The following DYRK1A variants were observed in gnomAD, a reference collection of about 807,000 sequenced individuals.
The protein encoded by DYRK1A is dual specificity tyrosine phosphorylation regulated kinase 1A.
In DYRK1A, 9 loss-of-function variants were observed where a neutral mutation model predicts 79.7. That is an observed-to-expected ratio of 0.11 (90% CI 0.07 to 0.20). The LOEUF is 0.20. Among genes scored for constraint, DYRK1A ranks in the 10% least tolerant of loss-of-function variants. DYRK1A has a pLI of 1.00. For synonymous variants in DYRK1A, 349 were observed against 329.7 expected, an observed-to-expected ratio of 1.06 and a Z score of -0.63; for missense variants, 622 against 956.0, an observed-to-expected ratio of 0.65 and a Z score of 4.61.
intron 1 of DYRK1A, among the ~76,000 whole-genome samples, chr21:37,386,646 A>G (rs1348614234): frequency 6.6e-6 from 1 of 152,006 alleles, no homozygotes; most frequent in Admixed American, 6.6e-5. Context: ...CAGCTATTGA[A>G]CCTGACCCAT....
At chr21:37,499,488 G>A (rs1357684742) in intron 9 of DYRK1A, among the ~76,000 whole-genome samples, 1 of 152,142 alleles carries the variant, frequency 6.6e-6, no homozygotes, top group Non-Finnish European at 1.5e-5. Context: ...TTTGATTTGG[G>A]TTGCAGTTGG....
Position 37,524,551 on chromosome 21 carries a change from C to T in DYRK1A, c.*12020C>T, listed in dbSNP as rs1244409213. ...AAGAAACATGCTCAGAGAAAGTAAA[C>T]TTGTTTATTGGCCTTTCCACGACAA... On this transcript the variant is annotated 3_prime_UTR_variant, in exon 12 of 12. Transcript: ENST00000647188. 6.6e-6 allele frequency: 1 copy of T among 152,192 alleles called. No individual in the cohort carries two copies. Among genetic ancestry groups the T allele is most frequent in the Non-Finnish European group, 1.5e-5 (1 of 68,034 alleles). The allele number at this position is 152,192 out of a possible 1,614,324, so 9.4% of individuals were successfully genotyped here.
Sources: gnomAD v4.1 joint callset for allele counts (sites outside exome capture counted in the v4.1 genomes callset) on GRCh38, gnomAD v4.1.1 for gene constraint, MANE v1.5 for transcripts, NCBI Gene and HGNC (gene_info 2026-07-23, HGNC 2026-07-21) for gene names.